The following PIBF1 variants were observed in gnomAD, a reference collection of about 807,000 sequenced individuals.
PIBF1 encodes progesterone-induced-blocking factor 1.
PIBF1 carries 90 observed loss-of-function variants against 112.5 expected under a neutral mutation model. The ratio of observed to expected loss-of-function variants is 0.80; its 90% CI spans 0.67 to 0.95. The LOEUF is 0.95. PIBF1 is among the 40% of genes least tolerant of loss of function. PIBF1 has a pLI of 0.00. For missense variants in PIBF1, 915 were observed against 852.3 expected (o/e 1.07, Z -0.92); for synonymous variants, 301 against 288.6 (o/e 1.04, Z -0.44).
At chr13:72,958,778 A>G (rs771001418) in intron 14 of PIBF1, among the ~76,000 whole-genome samples, 12 of 152,314 alleles carry the variant, frequency 7.9e-5, no homozygotes, top group Non-Finnish European at 1.8e-4. Flanking sequence ...TGAGAGAAGG[A>G]ACTGGTATTA....
chr13:72,924,260 A>G (rs940452113), intron 13 of PIBF1, among the ~76,000 whole-genome samples: 3 of 151,970 alleles, frequency 2.0e-5, no homozygotes, highest in African/African-American at 7.3e-5. Flanking sequence ...GCACTTTTTA[A>G]TTGCTAGTTC....
At chr13:72,916,359 T>G (rs2041092053) in intron 12 of PIBF1, among the ~76,000 whole-genome samples, 1 of 151,072 alleles carries the variant, frequency 6.6e-6, no homozygotes, top group South Asian at 2.1e-4. Context: ...GCCATTACAC[T>G]CCAGCCTGGG....
chr13:72,846,572 C>A (rs145956790), intron 9 of PIBF1, among the ~76,000 whole-genome samples: 49 of 152,270 alleles, frequency 3.2e-4, no homozygotes, highest in African/African-American at 1.1e-3. Flanking sequence ...GATCAGTATT[C>A]AGTTATCCTA....
chr13:72,917,396 T>C (rs1189712539), intron 13 of PIBF1, among the ~76,000 whole-genome samples: 1 of 152,140 alleles, frequency 6.6e-6, no homozygotes, highest in Admixed American at 6.5e-5. Flanking sequence ...TTAGATTCGA[T>C]GATAAGGACC....
At chr13:72,994,800 C>G (rs2043595184) in intron 16 of PIBF1, among the ~76,000 whole-genome samples, 1 of 152,098 alleles carries the variant, frequency 6.6e-6, no homozygotes. Flanking sequence ...AAGGATTTCT[C>G]TTCGTAGTGA....
chr13:72,952,009 T>C (rs894820906), intron 14 of PIBF1, among the ~76,000 whole-genome samples: 1 of 151,204 alleles, frequency 6.6e-6, no homozygotes, highest in Non-Finnish European at 1.5e-5. Context: ...TAATTTCTTT[T>C]AATTTCTTTC....
intron 6 of PIBF1, among the ~76,000 whole-genome samples, chr13:72,822,564 A>G (rs2036604138): frequency 6.6e-6 from 1 of 152,208 alleles, no homozygotes. Context: ...ACTGCACTAT[A>G]TAAACTAAGA....
chr13:72,908,456 T>C (rs2040775810), intron 11 of PIBF1, 75 bp from the exon 12 acceptor site: 1 of 871,862 alleles, frequency 1.1e-6, no homozygotes, highest in Non-Finnish European at 1.7e-6. Context: ...CCTATGAATG[T>C]CTTTGCATCA....
At chr13:72,916,415 T>TATA (rs398023388) in intron 12 of PIBF1, among the ~76,000 whole-genome samples, 2 of 119,160 alleles carry the variant, frequency 1.7e-5, no homozygotes, top group African/African-American at 6.1e-5. Flanking sequence ...TATATATATA[T>TATA]TTTTTTAATC....
chr13:72,871,799 C>G (rs2039176522), intron 10 of PIBF1, among the ~76,000 whole-genome samples: 1 of 152,172 alleles, frequency 6.6e-6, no homozygotes, highest in Admixed American at 6.5e-5. Flanking sequence ...GTTTTTACTG[C>G]AAGCCCAACT....
chr13:72,956,308 T>C (rs1012744560), intron 14 of PIBF1, among the ~76,000 whole-genome samples: 3 of 152,104 alleles, frequency 2.0e-5, no homozygotes, highest in African/African-American at 7.2e-5. Context: ...CCTTACCCTT[T>C]TTCTCCTCTT....
chr13:73,003,502 C>T (rs542043489), intron 17 of PIBF1, among the ~76,000 whole-genome samples: 1 of 152,184 alleles, frequency 6.6e-6, no homozygotes, highest in Admixed American at 6.5e-5. Flanking sequence ...ATGATTCACC[C>T]ACCTTGGCCT....
At chr13:72,799,738 A>G (rs2035380129) in intron 5 of PIBF1, among the ~76,000 whole-genome samples, 1 of 152,164 alleles carries the variant, frequency 6.6e-6, no homozygotes, top group Admixed American at 6.5e-5. Context: ...CAGTTAGACA[A>G]GGTCTTAGCG....
chr13:72,920,687 T>C (rs1458209712), intron 13 of PIBF1, among the ~76,000 whole-genome samples: 1 of 152,098 alleles, frequency 6.6e-6, no homozygotes, highest in Non-Finnish European at 1.5e-5. Context: ...CTGGGGAGCC[T>C]GAGGCAGAAG....
intron 9 of PIBF1, among the ~76,000 whole-genome samples, chr13:72,838,504 A>G (rs1458106562): frequency 2.0e-5 from 3 of 152,256 alleles, no homozygotes; most frequent in Non-Finnish European, 2.9e-5. Flanking sequence ...AGATTCAGAG[A>G]GACTCCAGGG....
At chr13:72,964,410 G>A (rs938623330) in intron 14 of PIBF1, among the ~76,000 whole-genome samples, 3 of 152,086 alleles carry the variant, frequency 2.0e-5, no homozygotes, top group Admixed American at 1.3e-4. Flanking sequence ...AAATAGAAGT[G>A]GTAGCTATTC....
At chr13:72,831,967 T>C (rs1452046520) in intron 8 of PIBF1, among the ~76,000 whole-genome samples, 1 of 152,114 alleles carries the variant, frequency 6.6e-6, no homozygotes, top group Non-Finnish European at 1.5e-5. Flanking sequence ...AGTTAGCTCT[T>C]CCTGCCGCAT....
chr13:72,797,105 AAG>A (rs967227500), intron 4 of PIBF1, among the ~76,000 whole-genome samples: 4 of 152,144 alleles, frequency 2.6e-5, no homozygotes, highest in African/African-American at 9.7e-5. Flanking sequence ...TATGAGTGGA[AAG>A]AGAGACCTGA....
At position 72,987,684 on chromosome 13, in the gene PIBF1, G is replaced by GTT. The variant is rs35607617; in HGVS notation, c.2050-11128_2050-11127dup. On this transcript the variant is annotated intron_variant, in intron 16 of 17. Coordinates refer to ENST00000326291, the MANE Select transcript of PIBF1 (RefSeq NM_006346.4). ...TAGAATTTTTTTATTTTCCTTTGTT[G>GTT]TTTTTTTTTTTGAGAAGGGGTCTTG... is the stretch of plus-strand genomic sequence containing the variant. Among the ~76,000 whole-genome samples, 134 of 141,094 alleles carry GTT rather than the reference G, an allele frequency of 9.5e-4. 1 individual carries two copies. The East Asian group carries it at 0.011, about 12-fold the overall frequency. 92.6% of individuals were successfully genotyped at this position (141,094 alleles called of 152,430 possible). A position where few individuals can be genotyped will look rare whatever the true frequency, so the allele number is the denominator to read the frequency against.
Sources: gnomAD v4.1 joint callset for allele counts (sites outside exome capture counted in the v4.1 genomes callset) on GRCh38, gnomAD v4.1.1 for gene constraint, MANE v1.5 for transcripts, NCBI Gene and HGNC (gene_info 2026-07-23, HGNC 2026-07-21) for gene names.